The following SHROOM4 variants were observed in gnomAD, a reference collection of about 807,000 sequenced individuals.
SHROOM4 encodes shroom family member 4.
In SHROOM4, 17 loss-of-function variants were observed where a neutral mutation model predicts 80.3. The observed-to-expected ratio is 0.21, with a 90% confidence interval of 0.14 to 0.32. The LOEUF (loss-of-function observed/expected upper bound fraction) is 0.32. SHROOM4 is among the 10% of genes least tolerant of loss of function. The pLI is 1.00. For synonymous variants in SHROOM4, 400 were observed against 437.5 expected (o/e 0.91, Z 1.07); for missense variants, 993 against 1,140.3 (o/e 0.87, Z 1.86).
At chrX:50,644,559 T>C (rs1184648169) in intron 2 of SHROOM4, among the ~76,000 whole-genome samples, 1 of 111,629 alleles carries the variant, frequency 9.0e-6, no homozygotes, top group Non-Finnish European at 1.9e-5. Flanking sequence ...AGAGTCAGGG[T>C]TTTCCTTTCA....
intron 2 of SHROOM4, among the ~76,000 whole-genome samples, chrX:50,693,434 G>A (rs1933275261): frequency 9.2e-6 from 1 of 109,281 alleles, no homozygotes; most frequent in African/African-American, 3.3e-5. Context: ...AGGCATGGTG[G>A]TACATGCCTG....
At chrX:50,758,553 A>G (rs1467617465) in intron 1 of SHROOM4, among the ~76,000 whole-genome samples, 3 of 112,292 alleles carry the variant, frequency 2.7e-5, no homozygotes, top group Non-Finnish European at 5.6e-5. Flanking sequence ...TTGCATTCCT[A>G]AGGTAAATTC....
At chrX:50,673,532 T>C (rs781929942) in intron 2 of SHROOM4, among the ~76,000 whole-genome samples, 1 of 111,142 alleles carries the variant, frequency 9.0e-6, no homozygotes, top group Admixed American at 9.6e-5. Context: ...CAAAACAAGA[T>C]TTAAGCCCTA....
intron 2 of SHROOM4, chrX:50,643,755 G>A (rs1260202650): frequency 8.9e-6 from 1 of 111,845 alleles, no homozygotes; most frequent in African/African-American, 3.3e-5. Flanking sequence ...CCACCCCCTC[G>A]GCAGCTCAGA....
At chrX:50,778,598 C>T (rs1935560519) in intron 1 of SHROOM4, among the ~76,000 whole-genome samples, 1 of 112,249 alleles carries the variant, frequency 8.9e-6, no homozygotes, top group African/African-American at 3.2e-5. Context: ...TGACTCATTC[C>T]AAACTGTCCT....
At chrX:50,795,462 AG>A (rs1557272038) in intron 1 of SHROOM4, among the ~76,000 whole-genome samples, 27 of 109,891 alleles carry the variant, frequency 2.5e-4, no homozygotes, top group African/African-American at 9.0e-4. Context: ...GCCCTCAAGG[AG>A]CATATCCCAT....
At chrX:50,585,649 G>A (rs970748373), downstream of SHROOM4, among the ~76,000 whole-genome samples, 1 of 111,315 alleles carries the variant, frequency 9.0e-6, no homozygotes, top group Non-Finnish European at 1.9e-5. Context: ...TAGGCAGGGT[G>A]TTTGTTCTTC....
intron 5 of SHROOM4, among the ~76,000 whole-genome samples, chrX:50,611,131 A>ATTTTCTTT (rs1929954039): frequency 1.3e-5 from 1 of 77,477 alleles, no homozygotes; most frequent in Non-Finnish European, 2.5e-5. Flanking sequence ...TACAGACCAT[A>ATTTTCTTT]TTTTCTTTTT....
chrX:50,736,143 T>C (rs1427829859), intron 1 of SHROOM4, among the ~76,000 whole-genome samples: 1 of 110,939 alleles, frequency 9.0e-6, no homozygotes, highest in Non-Finnish European at 1.9e-5. Flanking sequence ...AGTGAAGATA[T>C]GGATAAATAA....
At chrX:50,618,850 C>A (rs1291493975) in intron 5 of SHROOM4, among the ~76,000 whole-genome samples, 1 of 112,237 alleles carries the variant, frequency 8.9e-6, no homozygotes, top group Non-Finnish European at 1.9e-5. Context: ...AGTGTCCAGA[C>A]CTGCCTTGTC....
intron 2 of SHROOM4, among the ~76,000 whole-genome samples, chrX:50,676,203 C>CTATTA (rs1461978171): frequency 1.8e-5 from 2 of 110,844 alleles, no homozygotes; most frequent in Non-Finnish European, 3.8e-5. Context: ...TTTTTCAAGA[C>CTATTA]AAATAAAGTG....
chrX:50,630,278 C>T (rs1333849363), intron 4 of SHROOM4, among the ~76,000 whole-genome samples: 3 of 103,576 alleles, frequency 2.9e-5, no homozygotes, highest in Non-Finnish European at 5.9e-5. Context: ...TACTGTCTAT[C>T]TGTGAGTCCT....
intron 5 of SHROOM4, among the ~76,000 whole-genome samples, chrX:50,610,358 A>ACACACACACACG: frequency 9.7e-6 from 1 of 103,170 alleles, no homozygotes; most frequent in African/African-American, 4.0e-5. Flanking sequence ...TCTCTCACAC[A>ACACACACACACG]CACACACACA....
At chrX:50,655,771 G>T (rs1932285619) in intron 2 of SHROOM4, among the ~76,000 whole-genome samples, 1 of 109,692 alleles carries the variant, frequency 9.1e-6, no homozygotes, top group African/African-American at 3.3e-5. Context: ...ATTTGCTTTA[G>T]ATATATACCC....
rs969208162 is a variant in SHROOM4 at position 50,592,981 on chromosome X, C to T, written c.*3714G>A. The T allele has an allele frequency of 2.7e-5, 3 of 111,932 alleles. No homozygotes were observed. Among genetic ancestry groups the T allele is most frequent in the African/African-American group, 6.5e-5 (2 of 30,783 alleles). 9.2% of individuals were successfully genotyped at this position (111,932 alleles called of 1,213,427 possible). A position where few individuals can be genotyped will look rare whatever the true frequency, so the allele number is the denominator to read the frequency against. On this transcript the variant is annotated 3_prime_UTR_variant, in exon 9 of 9. Transcript: ENST00000376020. ...AGGGCAGGGCTGTGATCCTGAGATCCTTCTGAGTAGAAAAATACCATGCTT... is the reference window on the plus strand; with the variant it reads ...AGGGCAGGGCTGTGATCCTGAGATCTTTCTGAGTAGAAAAATACCATGCTT...
intron 2 of SHROOM4, among the ~76,000 whole-genome samples, chrX:50,679,365 C>A (rs1557261598): frequency 8.9e-6 from 1 of 111,867 alleles, no homozygotes; most frequent in Non-Finnish European, 1.9e-5. Context: ...CTGATCTTCC[C>A]AAGGACCTTG....
intron 1 of SHROOM4, among the ~76,000 whole-genome samples, chrX:50,723,147 G>A (rs1441749277): frequency 9.6e-6 from 1 of 104,026 alleles, no homozygotes; most frequent in Non-Finnish European, 2.0e-5. Flanking sequence ...TGATGGAAAG[G>A]GAGGGGGATA....
Position 50,730,147 on chromosome X carries a change from G to T in SHROOM4, c.118-34210C>A, listed in dbSNP as rs150662183. On this transcript the variant is annotated intron_variant, in intron 1 of 8. Coordinates refer to ENST00000376020, the MANE Select transcript of SHROOM4 (RefSeq NM_020717.5). The stretch of plus-strand genomic sequence containing the variant: ...TAACTGATTTAAAAAGCAATTGCAG[G>T]CTGGGTGCAGTGGTTCACACCTATA... 3.2e-3 allele frequency among the ~76,000 whole-genome samples: 354 copies of T among 112,052 alleles called. 1 individual carries two copies. The highest frequency in any genetic ancestry group is 0.011 in the African/African-American group (327 of 30,868).
In SHROOM4 at chrX:50,803,231, C is replaced by G. The variant is rs1362173868; in HGVS notation, c.117+10671G>C. Among the ~76,000 whole-genome samples the G allele has an allele frequency of 4.5e-5, 5 of 112,355 alleles. No individual in the cohort carries two copies. The East Asian group carries it at 1.4e-3, about 31-fold the overall frequency. ...AGCTAATATGTGTTAAGTTAGAAAA[C>G]TAGTGCCCAGAATATGCACTATAAA... On this transcript the variant is annotated intron_variant, in intron 1 of 8. Coordinates refer to ENST00000376020, the MANE Select transcript of SHROOM4 (RefSeq NM_020717.5).
Sources: allele counts gnomAD v4.1 joint callset (sites outside exome capture counted in the v4.1 genomes callset), GRCh38; gene constraint gnomAD v4.1.1; transcripts MANE v1.5; gene names NCBI Gene and HGNC (gene_info 2026-07-23, HGNC 2026-07-21).